VPS13B: variants seen among roughly 807,000 people sequenced by gnomAD.
VPS13B encodes vacuolar protein sorting 13 homolog B.
VPS13B carries 285 observed loss-of-function variants against 426.4 expected under a neutral mutation model. The ratio of observed to expected loss-of-function variants is 0.67; its 90% CI spans 0.61 to 0.74. The LOEUF is 0.74. VPS13B is among the 30% of genes least tolerant of loss of function. The pLI is 0.00. For missense variants in VPS13B, 4,537 were observed against 4,782.6 expected, an observed-to-expected ratio of 0.95 and a Z score of 1.51; for synonymous variants, 1,676 against 1,676.4, an observed-to-expected ratio of 1.00 and a Z score of 0.01.
intron 23 of VPS13B, among the ~76,000 whole-genome samples, chr8:99,443,037 A>G (rs1000588938): frequency 1.3e-5 from 2 of 152,128 alleles, no homozygotes; most frequent in Admixed American, 1.3e-4. Flanking sequence ...TTATTTAGCA[A>G]GCATAATGTA....
chr8:99,242,849 G>GT (rs1417513484), intron 17 of VPS13B, among the ~76,000 whole-genome samples: 2 of 152,146 alleles, frequency 1.3e-5, no homozygotes, highest in African/African-American at 4.8e-5. Flanking sequence ...TTTAAATAGT[G>GT]TTTTAATAGG....
intron 57 of VPS13B, among the ~76,000 whole-genome samples, chr8:99,861,458 C>T (rs1188946260): frequency 2.0e-5 from 3 of 152,198 alleles, no homozygotes; most frequent in Non-Finnish European, 4.4e-5. Flanking sequence ...TGCACCACCA[C>T]ACCCAGCTAA....
At position 99,234,049 on chromosome 8, in the gene VPS13B, C is replaced by G. The variant is rs1563617534; in HGVS notation, c.2516-40149C>G. 7.7e-6 allele frequency: 6 copies of G among 775,780 alleles called. No individual in the cohort carries two copies. In the Admixed American group the frequency reaches 1.0e-4, roughly 13 times the overall value. The allele number at this position is 775,780 out of a possible 1,614,324, so 48.1% of individuals were successfully genotyped here. ...TGGCACCAACAAACTGGGTTGGATC[C>G]GCAGCGGGAAATCAGTCTGTCCGGC... is the stretch of plus-strand genomic sequence containing the variant. On this transcript the variant is annotated intron_variant, in intron 17 of 61. Transcript: ENST00000357162.
chr8:99,298,489 CAAAAT>C (rs1461029454), intron 19 of VPS13B, among the ~76,000 whole-genome samples: 17 of 151,492 alleles, frequency 1.1e-4, no homozygotes, highest in African/African-American at 3.6e-4. Context: ...AACTTGGTCT[CAAAAT>C]AAATAAATTA....
chr8:99,520,860 A>T, intron 29 of VPS13B, 39 bp from the exon 30 acceptor site: 1 of 1,536,264 alleles, frequency 6.5e-7, no homozygotes, highest in Non-Finnish European at 9.0e-7. Flanking sequence ...TTATGTACAG[A>T]TCCACAGTGT....
At chr8:99,149,493 T>C (rs1341862584) in intron 14 of VPS13B, among the ~76,000 whole-genome samples, 2 of 152,152 alleles carry the variant, frequency 1.3e-5, no homozygotes, top group South Asian at 4.1e-4. Flanking sequence ...AATTTTTGTA[T>C]TTTTAGTAGA....
At chr8:99,431,457 A>G in intron 21 of VPS13B, 80 bp from the exon 22 acceptor site, 1 of 1,528,774 alleles carries the variant, frequency 6.5e-7, no homozygotes, top group Non-Finnish European at 9.0e-7. Flanking sequence ...GGAAAGAAAC[A>G]ATCTTGAAAA....
intron 21 of VPS13B, among the ~76,000 whole-genome samples, chr8:99,424,922 G>C (rs754649828): frequency 6.6e-6 from 1 of 152,164 alleles, no homozygotes; most frequent in Non-Finnish European, 1.5e-5. Context: ...TACCATCAGA[G>C]AATACCATAA....
At chr8:99,082,150 C>T (rs1211211084) in intron 3 of VPS13B, among the ~76,000 whole-genome samples, 1 of 152,168 alleles carries the variant, frequency 6.6e-6, no homozygotes, top group Non-Finnish European at 1.5e-5. Context: ...TAATGAGTGC[C>T]ATTCTAACTG....
At chr8:99,874,240 T>G (rs1240178646) in intron 61 of VPS13B, among the ~76,000 whole-genome samples, 4 of 152,196 alleles carry the variant, frequency 2.6e-5, no homozygotes, top group African/African-American at 9.6e-5. Flanking sequence ...TTTTTGTGTA[T>G]TCAAAGCTTT....
intron 25 of VPS13B, among the ~76,000 whole-genome samples, chr8:99,495,222 A>G (rs1237126314): frequency 2.6e-5 from 4 of 152,218 alleles, no homozygotes; most frequent in African/African-American, 9.6e-5. Context: ...AACTCACATT[A>G]TGATTAATTT....
chr8:99,816,460 T>G (rs978470387), intron 44 of VPS13B, among the ~76,000 whole-genome samples: 1 of 152,146 alleles, frequency 6.6e-6, no homozygotes, highest in African/African-American at 2.4e-5. Flanking sequence ...GGTGTAAAGT[T>G]GAATAACCCA....
At chr8:99,148,438 A>G (rs1320087844) in intron 14 of VPS13B, among the ~76,000 whole-genome samples, 2 of 152,040 alleles carry the variant, frequency 1.3e-5, no homozygotes, top group Admixed American at 6.5e-5. Flanking sequence ...CAATGTAACT[A>G]TGAACTAAAA....
intron 30 of VPS13B, among the ~76,000 whole-genome samples, chr8:99,551,995 C>T (rs981168764): frequency 6.6e-6 from 1 of 151,870 alleles, no homozygotes; most frequent in African/African-American, 2.4e-5. Context: ...CTCCCTCAAG[C>T]TTTAATTAAG....
chr8:99,046,763 AT>A lies in VPS13B; in HGVS notation c.291+8205del, dbSNP rs533949954. The stretch of plus-strand genomic sequence containing the variant: ...AGTTTTAATCATAAAAGGATGCCAT[AT>A]TTTTTTTGAATGCTTTTTCTGTGTC... On this transcript the variant is annotated intron_variant, in intron 3 of 61. Coordinates refer to ENST00000357162, the MANE Select transcript of VPS13B (RefSeq NM_152564.5). 1.7e-3 allele frequency among the ~76,000 whole-genome samples: 260 copies of A among 151,790 alleles called. 1 individual carries two copies. The highest frequency in any genetic ancestry group is 6.1e-3 in the African/African-American group (252 of 41,414).
chr8:99,631,188 G>T (rs1428628146), intron 33 of VPS13B, among the ~76,000 whole-genome samples: 1 of 139,590 alleles, frequency 7.2e-6, no homozygotes, highest in Non-Finnish European at 1.6e-5. Context: ...TGTCTGTCTT[G>T]TTGTTCCAGG....
chr8:99,246,321 A>C (rs1817217504), intron 17 of VPS13B, among the ~76,000 whole-genome samples: 1 of 152,150 alleles, frequency 6.6e-6, no homozygotes, highest in Non-Finnish European at 1.5e-5. Flanking sequence ...TTTTTGTGTC[A>C]ATCTAATGTG....
At chr8:99,773,683 G>A (rs16897685) in intron 40 of VPS13B, among the ~76,000 whole-genome samples, 7,207 of 152,110 alleles carry the variant, frequency 0.047, 187 homozygotes, top group African/African-American at 0.066. Context: ...TTACTGAATC[G>A]TGAATTGTGT....
chr8:99,556,075 G>A (rs909090975), intron 30 of VPS13B, among the ~76,000 whole-genome samples: 1 of 152,100 alleles, frequency 6.6e-6, no homozygotes, highest in Non-Finnish European at 1.5e-5. Context: ...TACTAGTTTT[G>A]TAACTTTAGC....
Sources: allele counts gnomAD v4.1 joint callset (sites outside exome capture counted in the v4.1 genomes callset), GRCh38; gene constraint gnomAD v4.1.1; transcripts MANE v1.5; gene names NCBI Gene and HGNC (gene_info 2026-07-23, HGNC 2026-07-21).